GAB2: variants seen among roughly 807,000 people sequenced by gnomAD.
GAB2 encodes the protein GRB2-associated-binding protein 2.
Under a neutral mutation model 65.5 loss-of-function variants are expected in GAB2, and 26 were observed. The ratio of observed to expected loss-of-function variants is 0.40; its 90% confidence interval spans 0.29 to 0.55. The LOEUF (loss-of-function observed/expected upper bound fraction) is 0.55. GAB2 is among the 20% of genes least tolerant of loss of function. The pLI is 0.53. For synonymous variants in GAB2, 321 were observed against 329.6 expected, an observed-to-expected ratio of 0.97 and a Z score of 0.28; for missense variants, 884 against 875.8, an observed-to-expected ratio of 1.01 and a Z score of -0.12.
rs199687288 is a variant in GAB2, at chr11:78,220,301, C to A, written c.1887+18G>T. 159 of 1,611,666 alleles carry A rather than the reference C, an allele frequency of 9.9e-5. No homozygotes were observed. The highest frequency in any genetic ancestry group is 6.4e-4 in the Middle Eastern group (3 of 4,710). ...ACCCTGAGAGCTCTTACTGCCCCCCCAACTCTACTCCAGGCACCTTGCGGT... is the reference window on the plus strand; with the variant it reads ...ACCCTGAGAGCTCTTACTGCCCCCCAAACTCTACTCCAGGCACCTTGCGGT... On this transcript the variant is annotated intron_variant, in intron 9 of 9. Coordinates refer to ENST00000361507, the MANE Select transcript of GAB2 (RefSeq NM_080491.3).
At chr11:78,267,028 C>A (rs1047757818) in intron 2 of GAB2, among the ~76,000 whole-genome samples, 1 of 152,194 alleles carries the variant, frequency 6.6e-6, no homozygotes, top group Non-Finnish European at 1.5e-5. Flanking sequence ...ACCCAGAAGC[C>A]TTCCAGTGGG....
At chr11:78,373,884 T>C (rs970291409) in intron 1 of GAB2, among the ~76,000 whole-genome samples, 1 of 152,180 alleles carries the variant, frequency 6.6e-6, no homozygotes, top group Non-Finnish European at 1.5e-5. Flanking sequence ...AGGTTCTTTT[T>C]ATCCTTCTTT....
rs567655135 is a variant in GAB2, at chr11:78,250,039, G to A, written c.620+118C>T. The A allele has an allele frequency of 3.9e-6, 4 of 1,036,670 alleles. No individual in the cohort carries two copies. In the South Asian group the frequency reaches 4.3e-5, roughly 11 times the overall value. The allele number at this position is 1,036,670 out of a possible 1,614,324, so 64.2% of individuals were successfully genotyped here. A position where few individuals can be genotyped will look rare whatever the true frequency, so the allele number is the denominator to read the frequency against. ...CAAAAAATTATGTTTTGTCATAGAC[G>A]TGTTTGTCTACCTGAAACGATATAA... On this transcript the variant is annotated intron_variant, in intron 3 of 9. Coordinates refer to ENST00000361507, the MANE Select transcript of GAB2 (RefSeq NM_080491.3).
At chr11:78,279,774 A>G (rs946332809) in intron 2 of GAB2, among the ~76,000 whole-genome samples, 5 of 152,226 alleles carry the variant, frequency 3.3e-5, no homozygotes, top group Non-Finnish European at 7.3e-5. Flanking sequence ...GCTTAGTAAT[A>G]TATATGTATA....
chr11:78,243,761 T>C (rs1157400759), intron 3 of GAB2, among the ~76,000 whole-genome samples: 1 of 151,998 alleles, frequency 6.6e-6, no homozygotes, highest in African/African-American at 2.4e-5. Context: ...GGAGAATCAC[T>C]TGAACCCGGG....
intron 1 of GAB2, among the ~76,000 whole-genome samples, chr11:78,357,318 G>C (rs1248124945): frequency 6.6e-6 from 1 of 152,042 alleles, no homozygotes; most frequent in Non-Finnish European, 1.5e-5. Flanking sequence ...AGCACTGAAA[G>C]GAACCATAAA....
At chr11:78,378,159 G>C (rs946414307) in intron 1 of GAB2, among the ~76,000 whole-genome samples, 6 of 152,132 alleles carry the variant, frequency 3.9e-5, no homozygotes, top group Admixed American at 2.6e-4. Flanking sequence ...CTAAAAGTAA[G>C]GACCTTGCCT....
At position 78,223,477 on chromosome 11, in the gene GAB2, C is replaced by A; in HGVS notation, c.1502G>T (p.Gly501Val). 6.2e-7 allele frequency: 1 copy of A among 1,601,042 alleles called. No homozygotes were observed. The highest frequency in any genetic ancestry group is 1.1e-5 in the South Asian group (1 of 89,548). ...CTGAATCTCACTTCCTCTGCTGGGG[C>A]CTCGGTGCACAGGAAGGGTTGTTGA... ...YPSTTLPVHRGPSRGSEIQPP... is the reference protein window; with the variant it reads ...YPSTTLPVHRVPSRGSEIQPP... The change falls in exon 6 of 10, where the codon GGC becomes GTC. Residue 501 changes from glycine to valine, a missense_variant. Physicochemically the swap from Gly to Val is moderately radical, Grantham distance 109 (BLOSUM62 -3). Coordinates refer to ENST00000361507, the MANE Select transcript of GAB2 (RefSeq NM_080491.3).
chr11:78,344,759 G>C (rs919798488), intron 1 of GAB2, among the ~76,000 whole-genome samples: 1 of 152,124 alleles, frequency 6.6e-6, no homozygotes, highest in Non-Finnish European at 1.5e-5. Context: ...AAAATATCCT[G>C]TATACAGTTA....
chr11:78,348,010 G>A (rs1266091380), intron 1 of GAB2, among the ~76,000 whole-genome samples: 1 of 152,066 alleles, frequency 6.6e-6, no homozygotes. Context: ...AGTAAAGATA[G>A]AGAAAAAAAT....
intron 1 of GAB2, among the ~76,000 whole-genome samples, chr11:78,283,789 C>T (rs900648698): frequency 2.0e-5 from 3 of 152,174 alleles, no homozygotes; most frequent in African/African-American, 7.2e-5. Flanking sequence ...CTCCTTCTAT[C>T]TACCGGGCCT....
chr11:78,290,351 CTGTT>C (rs1040915101), intron 1 of GAB2, among the ~76,000 whole-genome samples: 2 of 152,202 alleles, frequency 1.3e-5, no homozygotes, highest in African/African-American at 4.8e-5. Flanking sequence ...ATAGAAGTGA[CTGTT>C]TTCCTTCTGT....
chr11:78,417,749 C>G lies in GAB2; in HGVS notation c.-29G>C. 4.2e-6 allele frequency: 5 copies of G among 1,203,880 alleles called. No homozygotes were observed. The highest frequency in any genetic ancestry group is 5.3e-6 in the Non-Finnish European group (5 of 948,448). The allele number at this position is 1,203,880 out of a possible 1,614,324, so 74.6% of individuals were successfully genotyped here. A position where few individuals can be genotyped will look rare whatever the true frequency, so the allele number is the denominator to read the frequency against. On this transcript the variant is annotated 5_prime_UTR_variant, in exon 1 of 10. Transcript: ENST00000361507. ...GCCGGCCTGGAGCCCCCCGCCGGGT[C>G]GCGCGGACGAGGGCGCGGGCTCGGG... is the stretch of plus-strand genomic sequence containing the variant.
chr11:78,351,610 T>C (rs942687051), intron 1 of GAB2, among the ~76,000 whole-genome samples: 11 of 152,198 alleles, frequency 7.2e-5, no homozygotes, highest in African/African-American at 2.7e-4. Flanking sequence ...AGTGCTTCAT[T>C]TACCATTTCT....
rs573156941 is a variant in GAB2, at chr11:78,396,821, T to C, written c.75+20825A>G. 3.3e-5 allele frequency among the ~76,000 whole-genome samples: 5 copies of C among 152,254 alleles called. No individual in the cohort carries two copies. The East Asian group carries it at 9.7e-4, about 29-fold the overall frequency. On this transcript the variant is annotated intron_variant, in intron 1 of 9. Transcript: ENST00000361507. ...TGTGTTGGTCAGGCTGCTCTCCAAC[T>C]CCTGACCTCAGGTGATCCACCCACC... is the stretch of plus-strand genomic sequence containing the variant.
intron 2 of GAB2, among the ~76,000 whole-genome samples, chr11:78,256,995 T>G (rs1865611390): frequency 6.7e-6 from 1 of 149,670 alleles, no homozygotes; most frequent in South Asian, 2.2e-4. Context: ...AGTCAATCTA[T>G]TTTCTTTTAA....
chr11:78,338,807 A>G (rs939298554), intron 1 of GAB2, among the ~76,000 whole-genome samples: 3 of 152,190 alleles, frequency 2.0e-5, no homozygotes, highest in African/African-American at 7.2e-5. Flanking sequence ...GGAACACCTT[A>G]ATAATATGCT....
intron 1 of GAB2, among the ~76,000 whole-genome samples, chr11:78,377,194 A>G (rs1856641869): frequency 6.6e-6 from 1 of 152,204 alleles, no homozygotes; most frequent in Admixed American, 6.5e-5. Context: ...TATTTCTAGC[A>G]CTGCAAGAAC....
intron 3 of GAB2, among the ~76,000 whole-genome samples, chr11:78,237,997 G>A (rs1865026982): frequency 6.6e-6 from 1 of 152,094 alleles, no homozygotes; most frequent in Non-Finnish European, 1.5e-5. Context: ...TGGACACCTG[G>A]GGGTGGGTGT....
Sources: gnomAD v4.1 joint callset for allele counts (sites outside exome capture counted in the v4.1 genomes callset) on GRCh38, gnomAD v4.1.1 for gene constraint, MANE v1.5 for transcripts, NCBI Gene and HGNC (gene_info 2026-07-23, HGNC 2026-07-21) for gene names.